Variants in ANKRD6 observed in about 807,000 individuals in gnomAD.
The protein encoded by ANKRD6 is ankyrin repeat domain-containing protein 6.
A neutral mutation model predicts 82.3 loss-of-function variants in ANKRD6; 56 were observed. That is an observed-to-expected ratio of 0.68 (90% CI 0.55 to 0.85). The LOEUF (loss-of-function observed/expected upper bound fraction) is 0.85, where lower values mean the gene tolerates loss of function less well. Among genes scored for constraint, ANKRD6 ranks in the 40% least tolerant of loss-of-function variants. The pLI, the probability that ANKRD6 is intolerant of heterozygous loss-of-function variation, is 0.00. For missense variants in ANKRD6, 852 were observed against 907.6 expected, an observed-to-expected ratio of 0.94 and a Z score of 0.79; for synonymous variants, 347 against 352.1, an observed-to-expected ratio of 0.99 and a Z score of 0.16.
intron 15 of ANKRD6, 178 bp downstream of exon 15, chr6:89,629,416 A>G (rs1806815828): frequency 1.2e-6 from 1 of 815,720 alleles, no homozygotes; most frequent in Non-Finnish European, 2.0e-6. Context: ...GTTGCTATGT[A>G]ATAATAAAGC....
intron 5 of ANKRD6, among the ~76,000 whole-genome samples, chr6:89,610,188 C>G (rs1367287863): frequency 2.0e-5 from 3 of 152,166 alleles, no homozygotes; most frequent in Non-Finnish European, 4.4e-5. Context: ...CAAATGTATA[C>G]GGTTGTGTAA....
rs1274723966 is a variant in ANKRD6 at position 89,460,128 on chromosome 6, C to G, written c.-144+26753C>G. 4.0e-5 allele frequency among the ~76,000 whole-genome samples: 6 copies of G among 149,276 alleles called. 1 individual carries two copies. In the South Asian group the frequency reaches 1.3e-3, roughly 32 times the overall value. On this transcript the variant is annotated intron_variant, in intron 1 of 15. Transcript: ENST00000339746. ...AACTGAGTATCCAGACAGCCTTTTC[C>G]TATAGCACACTAGATATGAGAAAAA...
At chr6:89,617,085 C>T (rs1801762279) in intron 8 of ANKRD6, 1 of 381,808 alleles carries the variant, frequency 2.6e-6, no homozygotes, top group Admixed American at 3.0e-5. Context: ...GTTTCCCTTT[C>T]CCTCTCCCCC....
intron 1 of ANKRD6, among the ~76,000 whole-genome samples, chr6:89,528,920 A>G (rs1318539706): frequency 6.6e-6 from 1 of 152,160 alleles, no homozygotes; most frequent in Admixed American, 6.5e-5. Context: ...ATAAGCATGG[A>G]CTTATTCAGT....
rs527753057 is a variant in ANKRD6, at chr6:89,476,183, T to C, written c.-144+42808T>C. On this transcript the variant is annotated intron_variant, in intron 1 of 15. Transcript: ENST00000339746. ...TGTTTTTGTGTTTTTGTTTTTTTGT[T>C]TTGTTTTGTTTTGTTTTTTTAAGAC... Among the ~76,000 whole-genome samples, 3 of 152,252 alleles carry C rather than the reference T, an allele frequency of 2.0e-5. 1 individual carries two copies. The South Asian group carries it at 6.2e-4, about 32-fold the overall frequency.
intron 1 of ANKRD6, among the ~76,000 whole-genome samples, chr6:89,526,921 A>G (rs80216565): frequency 0.019 from 2,879 of 152,302 alleles, 97 homozygotes; most frequent in African/African-American, 0.064. Flanking sequence ...TTTTTGTTTT[A>G]TTCAGGCCCT....
At chr6:89,553,358 C>T (rs1329183419) in intron 1 of ANKRD6, among the ~76,000 whole-genome samples, 2 of 152,182 alleles carry the variant, frequency 1.3e-5, no homozygotes, top group African/African-American at 4.8e-5. Context: ...GGCTCACTGA[C>T]TTGCAGGTGT....
intron 2 of ANKRD6, among the ~76,000 whole-genome samples, chr6:89,578,945 C>T (rs1395672037): frequency 6.6e-6 from 1 of 152,196 alleles, no homozygotes; most frequent in Non-Finnish European, 1.5e-5. Flanking sequence ...AGTCCTTGCC[C>T]TTCCACCACT....
intron 13 of ANKRD6, among the ~76,000 whole-genome samples, chr6:89,627,023 A>G (rs1422948150): frequency 6.6e-6 from 1 of 152,218 alleles, no homozygotes; most frequent in Admixed American, 6.5e-5. Context: ...GTTTTTTCTT[A>G]CAGTAGTCTG....
chr6:89,538,495 G>A (rs956618630), intron 1 of ANKRD6, among the ~76,000 whole-genome samples: 6 of 152,192 alleles, frequency 3.9e-5, no homozygotes, highest in Non-Finnish European at 8.8e-5. Flanking sequence ...AGAGTACAGA[G>A]CGGAAGAAGC....
intron 1 of ANKRD6, among the ~76,000 whole-genome samples, chr6:89,459,049 C>T (rs750943468): frequency 7.2e-5 from 11 of 152,070 alleles, no homozygotes; most frequent in Non-Finnish European, 1.5e-4. Context: ...TCAGAGTTCA[C>T]CTTTTTTTTG....
At chr6:89,491,552 A>G (rs1046486832) in intron 1 of ANKRD6, among the ~76,000 whole-genome samples, 6 of 148,416 alleles carry the variant, frequency 4.0e-5, no homozygotes, top group Non-Finnish European at 8.9e-5. Context: ...AAAGCCAAAC[A>G]CCGCATGTTC....
intron 1 of ANKRD6, among the ~76,000 whole-genome samples, chr6:89,483,805 T>A (rs1356934560): frequency 6.6e-6 from 1 of 152,248 alleles, no homozygotes; most frequent in African/African-American, 2.4e-5. Context: ...AGAACAAGAT[T>A]AGCTACAAGG....
rs547856510 is a variant in ANKRD6, at chr6:89,528,506, T to C, written c.-143-38328T>C. Among the ~76,000 whole-genome samples, 7 of 152,354 alleles carry C rather than the reference T, an allele frequency of 4.6e-5. No individual in the cohort carries two copies. In the South Asian group the frequency reaches 1.0e-3, roughly 23 times the overall value. On this transcript the variant is annotated intron_variant, in intron 1 of 15. Transcript: ENST00000339746. ...TGTTTCCACCAAAAAGTAAGTTATA[T>C]CTTCCACTGAAGTCTTGAACTTCTC...
At chr6:89,473,712 C>T (rs906852092) in intron 1 of ANKRD6, among the ~76,000 whole-genome samples, 6 of 152,086 alleles carry the variant, frequency 3.9e-5, no homozygotes, top group Non-Finnish European at 8.8e-5. Context: ...GGTGTGGTGG[C>T]TCACGCCTGT....
intron 2 of ANKRD6, among the ~76,000 whole-genome samples, chr6:89,574,193 A>G (rs1203778090): frequency 6.6e-6 from 1 of 152,208 alleles, no homozygotes; most frequent in Non-Finnish European, 1.5e-5. Context: ...AACATCACTG[A>G]CATTTTGGGC....
chr6:89,613,900 T>C lies in ANKRD6; in HGVS notation c.615+10T>C, dbSNP rs1359941723. On this transcript the variant is annotated intron_variant, in intron 7 of 15. Coordinates refer to ENST00000339746, the MANE Select transcript of ANKRD6 (RefSeq NM_001242809.2). ...CCATGAAAAGAACCAGGTCAGTGCA[T>C]GTATTCTCTTCATGGCTGCCAGCAC... The C allele has an allele frequency of 2.5e-6, 4 of 1,613,242 alleles. No individual in the cohort carries two copies. Among genetic ancestry groups the C allele is most frequent in the South Asian group, 2.2e-5 (2 of 91,038 alleles).
intron 1 of ANKRD6, among the ~76,000 whole-genome samples, chr6:89,565,655 A>G (rs1187630557): frequency 1.3e-5 from 2 of 152,212 alleles, no homozygotes; most frequent in Admixed American, 6.5e-5. Context: ...ATCATGGCCA[A>G]TTCCTTAATC....
At chr6:89,526,159 C>T (rs1378294725) in intron 1 of ANKRD6, among the ~76,000 whole-genome samples, 5 of 152,192 alleles carry the variant, frequency 3.3e-5, no homozygotes, top group Admixed American at 2.0e-4. Context: ...TCTCTCAGAT[C>T]ACACTGCCAT....
Sources: gnomAD v4.1 joint callset for allele counts (sites outside exome capture counted in the v4.1 genomes callset) on GRCh38, gnomAD v4.1.1 for gene constraint, MANE v1.5 for transcripts, NCBI Gene and HGNC (gene_info 2026-07-23, HGNC 2026-07-21) for gene names.